ADAMTS20: variants seen among roughly 807,000 people sequenced by gnomAD.
ADAMTS20 encodes the protein A disintegrin and metalloproteinase with thrombospondin motifs 20.
A neutral mutation model predicts 260.1 loss-of-function variants in ADAMTS20; 225 were observed. The observed-to-expected ratio is 0.87, with a 90% CI of 0.78 to 0.97. The LOEUF is 0.97. Among genes scored for constraint, ADAMTS20 ranks in the 50% least tolerant of loss-of-function variants. The pLI is 0.00. For synonymous variants in ADAMTS20, 802 were observed against 769.5 expected, an observed-to-expected ratio of 1.04 and a Z score of -0.70; for missense variants, 2,400 against 2,337.7, an observed-to-expected ratio of 1.03 and a Z score of -0.55.
At chr12:43,485,269 C>T (rs1942506102) in intron 7 of ADAMTS20, among the ~76,000 whole-genome samples, 2 of 152,026 alleles carry the variant, frequency 1.3e-5, no homozygotes, top group Admixed American at 1.3e-4. Flanking sequence ...GATGGTTCAA[C>T]ATAAACAAGT....
intron 3 of ADAMTS20, among the ~76,000 whole-genome samples, chr12:43,520,661 G>C (rs141356534): frequency 1.3e-5 from 2 of 152,262 alleles, no homozygotes; most frequent in Non-Finnish European, 2.9e-5. Context: ...TTGGAAAGGA[G>C]AATATCTCTA....
At chr12:43,376,396 A>G in intron 33 of ADAMTS20, 66 bp from the exon 34 acceptor site, 1 of 1,446,546 alleles carries the variant, frequency 6.9e-7, no homozygotes, top group Non-Finnish European at 9.3e-7. Context: ...ACTTAATCAT[A>G]GAAATATTGC....
intron 3 of ADAMTS20, among the ~76,000 whole-genome samples, chr12:43,528,775 A>C (rs1307962686): frequency 2.0e-5 from 3 of 152,132 alleles, no homozygotes; most frequent in African/African-American, 7.2e-5. Flanking sequence ...AGACCCAAAA[A>C]GCAAACACGA....
chr12:43,530,931 T>C (rs553133704), intron 3 of ADAMTS20, among the ~76,000 whole-genome samples: 2 of 152,080 alleles, frequency 1.3e-5, no homozygotes, highest in South Asian at 4.2e-4. Context: ...AACTATAATA[T>C]TGATTTAAAA....
intron 23 of ADAMTS20, among the ~76,000 whole-genome samples, 190 bp from the exon 24 acceptor site, chr12:43,429,914 A>G (rs1941408107): frequency 6.6e-6 from 1 of 152,196 alleles, no homozygotes; most frequent in Non-Finnish European, 1.5e-5. Context: ...ATAATGACTG[A>G]ATCCTAAAGT....
intron 28 of ADAMTS20, 129 bp downstream of exon 28, chr12:43,425,385 C>A: frequency 1.3e-6 from 1 of 795,060 alleles, no homozygotes; most frequent in East Asian, 3.2e-5. Context: ...ATGCAGCAAA[C>A]CTGCACATCT....
At chr12:43,398,970 G>A in intron 29 of ADAMTS20, 96 bp downstream of exon 29, 2 of 863,276 alleles carry the variant, frequency 2.3e-6, no homozygotes, top group Non-Finnish European at 3.1e-6. Context: ...ATAAATTTTA[G>A]AGAAGCAAAA....
At chr12:43,408,202 C>A (rs576578525) in intron 28 of ADAMTS20, among the ~76,000 whole-genome samples, 1 of 152,192 alleles carries the variant, frequency 6.6e-6, no homozygotes, top group South Asian at 2.1e-4. Context: ...AGAATGTGTG[C>A]CACATTCCAT....
chr12:43,532,021 T>C lies in ADAMTS20; in HGVS notation c.613+15A>G, dbSNP rs758586597. 1.4e-6 allele frequency: 2 copies of C among 1,476,302 alleles called. No homozygotes were observed. The highest frequency in any genetic ancestry group is 4.2e-5 in the Admixed American group (2 of 47,668). 91.5% of individuals were successfully genotyped at this position (1,476,302 alleles called of 1,614,324 possible). A position where few individuals can be genotyped will look rare whatever the true frequency, so the allele number is the denominator to read the frequency against. ...ATCACTATTTAGCTGAAAAGAGTTC[T>C]ATTTCACAGTTTACCTGACACACTG... On this transcript the variant is annotated intron_variant, in intron 3 of 38. Coordinates refer to ENST00000389420, the MANE Select transcript of ADAMTS20 (RefSeq NM_025003.5).
At chr12:43,385,894 C>G (rs778603018) in intron 29 of ADAMTS20, among the ~76,000 whole-genome samples, 4 of 151,976 alleles carry the variant, frequency 2.6e-5, no homozygotes, top group African/African-American at 9.7e-5. Context: ...AGGGTTTATG[C>G]GTCCTGGAAT....
rs144200121 is a variant in ADAMTS20, at chr12:43,436,009, A to G, written c.2594-1638T>C. Among the ~76,000 whole-genome samples the G allele has an allele frequency of 9.8e-5, 15 of 152,360 alleles. 1 individual carries two copies. The highest frequency in any genetic ancestry group is 3.6e-4 in the African/African-American group (15 of 41,580). ...TTAACTAAACATGATTATATACGTT[A>G]TCTCTGCTCCTTTCTCAATATCTTT... On this transcript the variant is annotated intron_variant, in intron 18 of 38. Coordinates refer to ENST00000389420, the MANE Select transcript of ADAMTS20 (RefSeq NM_025003.5).
chr12:43,504,432 T>C (rs1386860387), intron 3 of ADAMTS20, among the ~76,000 whole-genome samples: 4 of 152,184 alleles, frequency 2.6e-5, no homozygotes, highest in Non-Finnish European at 4.4e-5. Flanking sequence ...GTTATGTTCC[T>C]AGGTTTTAAA....
chr12:43,548,880 T>C (rs1943475449), intron 2 of ADAMTS20, among the ~76,000 whole-genome samples: 1 of 152,014 alleles, frequency 6.6e-6, no homozygotes. Context: ...TTTAAATGTT[T>C]TATCAACTAC....
At chr12:43,415,403 T>G (rs774369471) in intron 28 of ADAMTS20, among the ~76,000 whole-genome samples, 1 of 152,180 alleles carries the variant, frequency 6.6e-6, no homozygotes, top group Non-Finnish European at 1.5e-5. Context: ...TCTCTTATAC[T>G]AGAGTACAAC....
At position 43,383,929 on chromosome 12, in the gene ADAMTS20, T is replaced by G; in HGVS notation, c.4501A>C (p.Arg1501=). 6.2e-7 allele frequency: 1 copy of G among 1,613,922 alleles called. No individual in the cohort carries two copies. The highest frequency in any genetic ancestry group is 8.5e-7 in the Non-Finnish European group (1 of 1,179,858). Residue 1501 remains arginine (R), a synonymous_variant, in exon 30 of 39, where the codon AGA becomes CGA. Transcript: ENST00000389420. Reference sequence around the variant, plus strand: ...ACCACCTGACCAACACCTTTCAGTCTGCAGTATACATCCCTCTGCTGAACT... The same window carrying G: ...ACCACCTGACCAACACCTTTCAGTCGGCAGTATACATCCCTCTGCTGAACT... The part of the protein sequence containing the change: ...SGVQQRDVYC[R]LKGVGQVVEE...
At chr12:43,468,573 A>G (rs375651361) in intron 8 of ADAMTS20, 27 bp downstream of exon 8, 89 of 1,355,650 alleles carry the variant, frequency 6.6e-5, no homozygotes, top group Middle Eastern at 3.6e-4. Flanking sequence ...TAGAATGCAC[A>G]TTAAGGAGGT....
chr12:43,540,833 ATCT>A (rs994027352), intron 2 of ADAMTS20, among the ~76,000 whole-genome samples: 34 of 152,162 alleles, frequency 2.2e-4, no homozygotes, highest in African/African-American at 8.0e-4. Flanking sequence ...TTACTTGATG[ATCT>A]TCTATTTGCC....
At position 43,428,275 on chromosome 12, in the gene ADAMTS20, C is replaced by T; in HGVS notation, c.3911G>A (p.Arg1304Lys). ...NENQVVHPSV[R>K]GNQWRTGPWG... The stretch of plus-strand genomic sequence containing the variant: ...TGGTCCGGTTCTCCACTGGTTTCCT[C>T]TGACTGATGGATGGACCACCTGATT... Residue 1304 changes from arginine (R) to lysine (K), a missense_variant, in exon 26 of 39, where the codon AGA (arginine) becomes AAA (lysine). Arg to Lys is a conservative substitution (Grantham distance 26). Coordinates refer to ENST00000389420, the MANE Select transcript of ADAMTS20 (RefSeq NM_025003.5). 6.2e-7 allele frequency: 1 copy of T among 1,613,962 alleles called. No individual in the cohort carries two copies. The highest frequency in any genetic ancestry group is 1.3e-5 in the African/African-American group (1 of 75,042).
chr12:43,449,503 G>A (rs972359706), intron 14 of ADAMTS20, among the ~76,000 whole-genome samples: 5 of 151,962 alleles, frequency 3.3e-5, no homozygotes, highest in Admixed American at 6.6e-5. Flanking sequence ...GGTAGGAGGC[G>A]CGAGAGGATC....
Sources: allele counts gnomAD v4.1 joint callset (sites outside exome capture counted in the v4.1 genomes callset), GRCh38; gene constraint gnomAD v4.1.1; transcripts MANE v1.5; gene names NCBI Gene and HGNC (gene_info 2026-07-23, HGNC 2026-07-21).